The following TUBA3E variants were observed in gnomAD, a reference collection of about 807,000 sequenced individuals.
TUBA3E encodes the protein tubulin alpha-3E chain.
TUBA3E carries 21 observed loss-of-function variants against 36.7 expected under a neutral mutation model. The observed-to-expected ratio is 0.57, with a 90% CI of 0.41 to 0.83. The LOEUF is 0.83. TUBA3E is among the 40% of genes least tolerant of loss of function. The pLI is 0.00. For missense variants in TUBA3E, 469 were observed against 604.2 expected (o/e 0.78, Z 2.35); for synonymous variants, 177 against 241.9 (o/e 0.73, Z 2.49).
In TUBA3E at chr2:130,191,991, A is replaced by G. The variant is rs1169937310; in HGVS notation, c.1193T>C (p.Met398Thr). 8.1e-6 allele frequency: 13 copies of G among 1,614,018 alleles called. No homozygotes were observed. The highest frequency in any genetic ancestry group is 1.1e-5 in the Non-Finnish European group (13 of 1,179,998). ...WARLVHKFDL[M>T]YAKWAFVHWY... Reference sequence around the variant, plus strand: ...GTGCACAAAGGCCCACTTGGCATACATGAGATCGAACTTATGGACCAGGCG... The same window carrying G: ...GTGCACAAAGGCCCACTTGGCATACGTGAGATCGAACTTATGGACCAGGCG... The change falls in exon 5 of 5, where the codon ATG becomes ACG. Residue 398 changes from methionine to threonine, a missense_variant. This residue lies in a region of TUBA3E where 296 missense variants were observed against 346.9 expected (regional missense o/e 0.85). Transcript: ENST00000312988.
rs764045244 is a variant in TUBA3E at position 130,195,179 on chromosome 2, A to C, written c.275T>G (p.Leu92Arg). The stretch of plus-strand genomic sequence containing the variant: ...GGCTGCATCTTCCTTCCCGGTGATC[A>C]GCTGCTCTGGGTGGAAGAGCTGCCT... The part of the protein sequence containing the change: ...TYRQLFHPEQ[L>R]ITGKEDAASN... Residue 92 changes from leucine to arginine, a missense_variant, in exon 3 of 5, where the codon CTG becomes CGG. Around this residue, in one of 3 missense-constraint regions of TUBA3E, gnomAD observed 169 missense variants for 239.0 expected, o/e 0.71. Transcript: ENST00000312988. The C allele has an allele frequency of 3.1e-6, 5 of 1,614,020 alleles. No individual in the cohort carries two copies. In the South Asian group the frequency reaches 5.5e-5, roughly 18 times the overall value.
At chr2:130,192,718 A>C (rs1029697124) in intron 4 of TUBA3E, among the ~76,000 whole-genome samples, 4 of 152,216 alleles carry the variant, frequency 2.6e-5, no homozygotes, top group African/African-American at 9.7e-5. Flanking sequence ...TCCAAGTTTC[A>C]GAACTCGGTA....
intron 2 of TUBA3E, among the ~76,000 whole-genome samples, 199 bp from the exon 3 acceptor site, chr2:130,195,426 G>A (rs1422522089): frequency 5.3e-5 from 8 of 152,200 alleles, no homozygotes; most frequent in South Asian, 4.1e-4. Context: ...ATGACTCTAC[G>A]ACGTTAAACT....
At position 130,194,047 on chromosome 2, in the gene TUBA3E, G is replaced by A. The variant is rs781132116; in HGVS notation, c.795C>T (p.Ile265=). 6.2e-7 allele frequency: 1 copy of A among 1,614,214 alleles called. No individual in the cohort carries two copies. The highest frequency in any genetic ancestry group is 1.7e-5 in the Admixed American group (1 of 60,024). The part of the protein sequence containing the change: ...FQTNLVPYPR[I]HFPLATYAPV... ...GGGCGTAGGTGGCCAGGGGGAAGTG[G>A]ATGCGGGGGTACGGCACGAGGTTGG... Residue 265 remains isoleucine (I), a synonymous_variant, in exon 4 of 5, where the codon ATC becomes ATT. Coordinates refer to ENST00000312988, the MANE Select transcript of TUBA3E (RefSeq NM_207312.3).
intron 4 of TUBA3E, among the ~76,000 whole-genome samples, chr2:130,193,252 A>AAAAT (rs1044147043): frequency 3.3e-5 from 5 of 151,916 alleles, no homozygotes; most frequent in East Asian, 1.9e-4. Flanking sequence ...CCTGTCTCAA[A>AAAAT]AAATAAATAA....
chr2:130,193,651 T>C (rs1191521522), intron 4 of TUBA3E, 135 bp downstream of exon 4: 8 of 1,026,648 alleles, frequency 7.8e-6, no homozygotes, highest in Non-Finnish European at 1.1e-5. Context: ...TTATCAACTC[T>C]GGTTCACTAA....
chr2:130,196,663 C>A (rs1019556356), intron 1 of TUBA3E, among the ~76,000 whole-genome samples: 5 of 152,196 alleles, frequency 3.3e-5, no homozygotes, highest in African/African-American at 1.2e-4. Flanking sequence ...ATCAACCCCA[C>A]ATTATAGCCC....
chr2:130,193,881 C>G lies in TUBA3E; in HGVS notation c.961G>C (p.Gly321Arg). The G allele has an allele frequency of 6.2e-7, 1 of 1,614,208 alleles. No individual in the cohort carries two copies. ...KYMACCMLYR[G>R]DVVPKDVNAA... ...TTGACGTCTTTGGGGACCACGTCCC[C>G]CCTGTACAACATGCAGCAGGCCATG... The change falls in exon 4 of 5, where the codon GGG becomes CGG. Residue 321 changes from glycine to arginine, a missense_variant. Coordinates refer to ENST00000312988, the MANE Select transcript of TUBA3E (RefSeq NM_207312.3).
rs752770989 is a variant in TUBA3E at position 130,196,214 on chromosome 2, C to A, written c.161G>T (p.Ser54Ile). Reference sequence around the variant, plus strand: ...CACGTGCTTGCCAGCTCCAGTCTCACTGAAGAACGTGTTGAAGGAGTCGTC... The same window carrying A: ...CACGTGCTTGCCAGCTCCAGTCTCAATGAAGAACGTGTTGAAGGAGTCGTC... ...GGDDSFNTFF[S>I]ETGAGKHVPR... The change falls in exon 2 of 5, where the codon AGT (serine) becomes ATT (isoleucine). Residue 54 changes from serine (S) to isoleucine (I), a missense_variant. Physicochemically the swap from Ser to Ile is moderately radical, Grantham distance 142. Around this residue, in one of 3 missense-constraint regions of TUBA3E, gnomAD observed 169 missense variants for 239.0 expected, o/e 0.71. Coordinates refer to ENST00000312988, the MANE Select transcript of TUBA3E (RefSeq NM_207312.3). The A allele has an allele frequency of 8.1e-6, 13 of 1,614,002 alleles. No individual in the cohort carries two copies. The highest frequency in any genetic ancestry group is 1.7e-4 in the Middle Eastern group (1 of 6,056).
At chr2:130,192,957 G>T (rs1445563768) in intron 4 of TUBA3E, among the ~76,000 whole-genome samples, 1 of 152,182 alleles carries the variant, frequency 6.6e-6, no homozygotes, top group Non-Finnish European at 1.5e-5. Context: ...AGCCAGGCGT[G>T]GTGGCAGGTG....
At position 130,192,381 on chromosome 2, in the gene TUBA3E, CAT is replaced by C. The variant is rs202169965; in HGVS notation, c.1057-256_1057-255del. Among the ~76,000 whole-genome samples, 565 of 152,300 alleles carry C rather than the reference CAT, an allele frequency of 3.7e-3. 3 individuals carry two copies. Among genetic ancestry groups the C allele is most frequent in the African/African-American group, 0.013 (534 of 41,564 alleles). Reference sequence around the variant, plus strand: ...AAGGGCTGTGTCCTAGTACCTGTGACATGTGATAGGTGCCCAGGTGAAGACAG... The same window carrying C: ...AAGGGCTGTGTCCTAGTACCTGTGACGTGATAGGTGCCCAGGTGAAGACAG... On this transcript the variant is annotated intron_variant, in intron 4 of 4. Coordinates refer to ENST00000312988, the MANE Select transcript of TUBA3E (RefSeq NM_207312.3).
intron 2 of TUBA3E, among the ~76,000 whole-genome samples, 158 bp downstream of exon 2, chr2:130,195,991 T>C (rs867937283): frequency 6.6e-6 from 1 of 152,248 alleles, no homozygotes; most frequent in Non-Finnish European, 1.5e-5. Context: ...ACAGACACTT[T>C]CATCACAAAC....
intron 4 of TUBA3E, among the ~76,000 whole-genome samples, chr2:130,193,116 A>G (rs1690308850): frequency 6.6e-6 from 1 of 150,642 alleles, no homozygotes; most frequent in African/African-American, 2.4e-5. Flanking sequence ...TTACCCGGGC[A>G]TGGTGGTACA....
intron 4 of TUBA3E, among the ~76,000 whole-genome samples, chr2:130,192,459 A>T (rs977169733): frequency 2.0e-5 from 3 of 152,154 alleles, no homozygotes; most frequent in Non-Finnish European, 4.4e-5. Context: ...ATTACAATTA[A>T]ATTCTGTAGC....
intron 1 of TUBA3E, among the ~76,000 whole-genome samples, chr2:130,197,878 G>A (rs1316959430): frequency 8.0e-6 from 1 of 125,380 alleles, no homozygotes; most frequent in Non-Finnish European, 1.8e-5. Flanking sequence ...CAAGGGCTGG[G>A]ATTCCAGGCG....
intron 1 of TUBA3E, among the ~76,000 whole-genome samples, chr2:130,197,657 A>G (rs1285269915): frequency 7.9e-6 from 1 of 126,538 alleles, no homozygotes; most frequent in Non-Finnish European, 1.8e-5. Flanking sequence ...CCCAGGCTGG[A>G]GTGCACTGGC....
Position 130,192,066 on chromosome 2 carries a change from C to T in TUBA3E, c.1118G>A (p.Arg373Gln), listed in dbSNP as rs537573234. 4.3e-5 allele frequency: 70 copies of T among 1,613,026 alleles called. No individual in the cohort carries two copies. Among genetic ancestry groups the T allele is most frequent in the East Asian group, 2.5e-4 (11 of 44,872 alleles). The change falls in exon 5 of 5, where the codon CGG becomes CAG. Residue 373 changes from arginine to glutamine, a missense_variant. Arg to Gln is a conservative substitution (Grantham distance 43, BLOSUM62 1). Transcript: ENST00000312988. ...VPGGDLAKVQ[R>Q]AVCMLSNTTA... ...GGTGTTGCTCAGCATGCACACGGCC[C>T]GCTGCACCTTGGCCAGGTCTCCCCC...
rs375433749 is a variant in TUBA3E, at chr2:130,194,503, G to T, written c.376-37C>A. The T allele has an allele frequency of 2.6e-6, 4 of 1,518,146 alleles. No homozygotes were observed. In the African/African-American group the frequency reaches 4.1e-5, roughly 16 times the overall value. The allele number at this position is 1,518,146 out of a possible 1,614,324, so 94.0% of individuals were successfully genotyped here. A position where few individuals can be genotyped will look rare whatever the true frequency, so the allele number is the denominator to read the frequency against. Reference sequence around the variant, plus strand: ...CAGACAACGTGAGCCAATGCCCGTGGAAGCCACACCACCAACCTCCAACAA... The same window carrying T: ...CAGACAACGTGAGCCAATGCCCGTGTAAGCCACACCACCAACCTCCAACAA... On this transcript the variant is annotated intron_variant, in intron 3 of 4. Coordinates refer to ENST00000312988, the MANE Select transcript of TUBA3E (RefSeq NM_207312.3).
rs1690400516 is a variant in TUBA3E, at chr2:130,196,260, C to G, written c.115G>C (p.Asp39His). ...TCGTCCCCGCCACCAATGGTTTTAT[C>G]ACTTGGCATTTGACCATCGGGCTGA... ...GIQPDGQMPS[D>H]KTIGGGDDSF... is the part of the protein sequence containing the mutation. Residue 39 changes from aspartate (D) to histidine (H), a missense_variant, in exon 2 of 5, where the codon GAT becomes CAT. By Grantham distance (81) the Asp-to-His change is moderately conservative. This residue lies in a region of TUBA3E where 169 missense variants were observed against 239.0 expected (regional missense o/e 0.71). Coordinates refer to ENST00000312988, the MANE Select transcript of TUBA3E (RefSeq NM_207312.3). The G allele has an allele frequency of 6.2e-7, 1 of 1,613,926 alleles. No homozygotes were observed. Among genetic ancestry groups the G allele is most frequent in the Non-Finnish European group, 8.5e-7 (1 of 1,179,928 alleles).
Sources: allele counts gnomAD v4.1 joint callset (sites outside exome capture counted in the v4.1 genomes callset), GRCh38; gene constraint gnomAD v4.1.1; regional missense constraint gnomAD v4.1.1; transcripts MANE v1.5; gene names NCBI Gene and HGNC (gene_info 2026-07-23, HGNC 2026-07-21).